Variants in RP1 observed in about 807,000 individuals in gnomAD.
RP1 encodes the protein RP1 axonemal microtubule associated.
RP1 carries 16 observed loss-of-function variants against 14.8 expected under a neutral mutation model. The ratio of observed to expected loss-of-function variants is 1.08; its 90% CI spans 0.73 to 1.65. The LOEUF (loss-of-function observed/expected upper bound fraction) is 1.65. Among genes scored for constraint, RP1 ranks in the 40% most tolerant of loss-of-function variants. The pLI, the probability that RP1 is intolerant of heterozygous loss-of-function variation, is 0.00. For missense variants in RP1, 2,631 were observed against 2,535.0 expected (o/e 1.04, Z -0.81); for synonymous variants, 876 against 883.6 (o/e 0.99, Z 0.15).
intron 18 of RP1, among the ~76,000 whole-genome samples, chr8:54,737,280 T>C (rs1364372000): frequency 1.3e-5 from 2 of 152,084 alleles, no homozygotes; most frequent in Non-Finnish European, 1.5e-5. Context: ...GTCAAGTCTT[T>C]CCCCCCTGGC....
chr8:54,782,547 G>A (rs962395207), intron 23 of RP1, among the ~76,000 whole-genome samples: 3 of 152,106 alleles, frequency 2.0e-5, no homozygotes, highest in Admixed American at 1.3e-4. Flanking sequence ...GAAAACAACA[G>A]TAACAACATC....
At chr8:54,804,752 G>T (rs1241171084) in intron 24 of RP1, among the ~76,000 whole-genome samples, 1 of 152,154 alleles carries the variant, frequency 6.6e-6, no homozygotes, top group Non-Finnish European at 1.5e-5. Flanking sequence ...CTACACAGAT[G>T]CAAGGATTTG....
rs1475362737 is a variant in RP1, at chr8:54,625,499, G to T, written c.1617G>T (p.Leu539=). The change falls in exon 4 of 4, where the codon CTG becomes CTT. Residue 539 remains leucine (L), a synonymous_variant. Coordinates refer to ENST00000220676, the MANE Select transcript of RP1 (RefSeq NM_006269.2). ...TAGAAAGAAAAAAGGAAAACAGTCTGCTTAAGTCAAGTGCAATAAGTGCTG... is the reference window on the plus strand; with the variant it reads ...TAGAAAGAAAAAAGGAAAACAGTCTTCTTAAGTCAAGTGCAATAAGTGCTG... ...SSLERKKENS[L]LKSSAISAGV... 1 of 1,613,836 alleles carries T rather than the reference G, an allele frequency of 6.2e-7. No homozygotes were observed. Among genetic ancestry groups the T allele is most frequent in the Non-Finnish European group, 8.5e-7 (1 of 1,180,014 alleles).
rs546397716 is a variant in RP1, at chr8:54,662,082, A to T, written c.1172-1617A>T. On this transcript the variant is annotated intron_variant, in intron 6 of 22. Transcript: ENST00000636932. ...TTAAAATCTTTGCCAGATAATCAGT[A>T]CCCGTGTCATCTCAATGGTGATGTC... Among the ~76,000 whole-genome samples, 22 of 152,200 alleles carry T rather than the reference A, an allele frequency of 1.4e-4. No homozygotes were observed. The East Asian group carries it at 3.9e-3, about 27-fold the overall frequency.
At chr8:54,701,767 C>CT in intron 14 of RP1, 1 of 1,043,232 alleles carries the variant, frequency 9.6e-7, no homozygotes, top group South Asian at 1.6e-5. Context: ...AATCGAATCA[C>CT]TTCCCACTAG....
At chr8:54,695,319 T>A (rs1563350215) in intron 12 of RP1, among the ~76,000 whole-genome samples, 2 of 152,138 alleles carry the variant, frequency 1.3e-5, no homozygotes, top group Non-Finnish European at 2.9e-5. Context: ...ACTTAACTGT[T>A]GATGAGATAG....
At chr8:54,580,816 T>C (rs1563317343) in intron 1 of RP1, among the ~76,000 whole-genome samples, 1 of 150,944 alleles carries the variant, frequency 6.6e-6, no homozygotes, top group Non-Finnish European at 1.5e-5. Context: ...ACGGGGTTTC[T>C]CCATATTGGC....
intron 1 of RP1, among the ~76,000 whole-genome samples, chr8:54,569,136 T>C (rs749732367): frequency 2.6e-5 from 4 of 152,004 alleles, no homozygotes; most frequent in Non-Finnish European, 5.9e-5. Flanking sequence ...CAAGTCCTGG[T>C]TGGATGATTA....
At chr8:54,767,479 C>T (rs1045686871) in intron 22 of RP1, among the ~76,000 whole-genome samples, 10 of 151,962 alleles carry the variant, frequency 6.6e-5, no homozygotes, top group Non-Finnish European at 1.5e-4. Context: ...CCTGCCTCAG[C>T]CTCCTGAGTA....
chr8:54,839,369 T>C (rs1231247328), intron 25 of RP1, among the ~76,000 whole-genome samples: 3 of 152,192 alleles, frequency 2.0e-5, no homozygotes, highest in African/African-American at 7.2e-5. Context: ...CAGATAAGGG[T>C]AAACACATGC....
At chr8:54,644,637 T>C (rs971161035) in intron 3 of RP1, among the ~76,000 whole-genome samples, 2 of 152,198 alleles carry the variant, frequency 1.3e-5, no homozygotes, top group African/African-American at 4.8e-5. Context: ...CCAGAGCCTA[T>C]CTAGAAAGCT....
chr8:54,816,006 T>A (rs1426946035), intron 24 of RP1, among the ~76,000 whole-genome samples: 1 of 152,168 alleles, frequency 6.6e-6, no homozygotes, highest in African/African-American at 2.4e-5. Context: ...GCCTTACAGA[T>A]CTCTTACCTA....
At chr8:54,598,361 A>T (rs1465106238) in intron 1 of RP1, among the ~76,000 whole-genome samples, 1 of 152,168 alleles carries the variant, frequency 6.6e-6, no homozygotes, top group African/African-American at 2.4e-5. Flanking sequence ...CAGTCTACTG[A>T]TGTAGACATT....
rs539588544 is a variant in RP1, at chr8:54,630,064, T to C, written c.6182T>C (p.Ile2061Thr). 2 of 1,614,012 alleles carry C rather than the reference T, an allele frequency of 1.2e-6. No homozygotes were observed. The highest frequency in any genetic ancestry group is 4.5e-5 in the East Asian group (2 of 44,838). The change falls in exon 4 of 4, where the codon ATC becomes ACC. Residue 2061 changes from isoleucine to threonine, a missense_variant. Ile to Thr is a moderately conservative substitution (Grantham distance 89, BLOSUM62 -1). Coordinates refer to ENST00000220676, the MANE Select transcript of RP1 (RefSeq NM_006269.2). ...TQDLSGQTNE[I>T]FKAVDENNNL... ...GACCTCAGCGGTCAGACAAATGAAATCTTTAAAGCAGTCGATGAGAATAAC... is the reference window on the plus strand; with the variant it reads ...GACCTCAGCGGTCAGACAAATGAAACCTTTAAAGCAGTCGATGAGAATAAC...
At chr8:54,582,133 T>A (rs1365734514) in intron 1 of RP1, among the ~76,000 whole-genome samples, 1 of 152,234 alleles carries the variant, frequency 6.6e-6, no homozygotes, top group Non-Finnish European at 1.5e-5. Flanking sequence ...TTTATGGTTT[T>A]AGGTCTAACA....
chr8:54,588,680 T>C (rs1804984764), intron 1 of RP1, among the ~76,000 whole-genome samples: 1 of 152,184 alleles, frequency 6.6e-6, no homozygotes, highest in South Asian at 2.1e-4. Context: ...AGGAATATCA[T>C]GGAGTGAGAT....
rs777050395 is a variant in RP1, at chr8:54,627,362, A to G, written c.3480A>G (p.Thr1160=). 13 of 1,614,086 alleles carry G rather than the reference A, an allele frequency of 8.1e-6. No homozygotes were observed. Among genetic ancestry groups the G allele is most frequent in the Non-Finnish European group, 4.2e-6 (5 of 1,180,004 alleles). ...AGGCTACCAACAAATCTTCAGAAACACTTGCATTGTTGGAGATTCTAAAGC... is the reference window on the plus strand; with the variant it reads ...AGGCTACCAACAAATCTTCAGAAACGCTTGCATTGTTGGAGATTCTAAAGC... ...AHKATNKSSE[T]LALLEILKHI... is the part of the protein sequence containing the mutation. The change falls in exon 4 of 4, where the codon ACA becomes ACG. Residue 1160 remains threonine, a synonymous_variant. Coordinates refer to ENST00000220676, the MANE Select transcript of RP1 (RefSeq NM_006269.2).
intron 24 of RP1, among the ~76,000 whole-genome samples, chr8:54,837,117 A>T (rs879344315): frequency 6.6e-6 from 1 of 150,920 alleles, no homozygotes; most frequent in Admixed American, 6.6e-5. Flanking sequence ...AGAGCATAGG[A>T]TTGTCTTATT....
chr8:54,862,518 C>T (rs1211478849), intron 27 of RP1, among the ~76,000 whole-genome samples: 1 of 152,002 alleles, frequency 6.6e-6, no homozygotes, highest in Non-Finnish European at 1.5e-5. Flanking sequence ...GGTAAAGGTC[C>T]TCTAATAAAA....
Sources: allele counts gnomAD v4.1 joint callset (sites outside exome capture counted in the v4.1 genomes callset), GRCh38; gene constraint gnomAD v4.1.1; transcripts MANE v1.5; gene names NCBI Gene and HGNC (gene_info 2026-07-23, HGNC 2026-07-21).